The following SMIM14 variants were observed in gnomAD, a reference collection of about 807,000 sequenced individuals.
SMIM14 encodes small integral membrane protein 14.
A neutral mutation model predicts 12.6 loss-of-function variants in SMIM14; 5 were observed. The ratio of observed to expected loss-of-function variants is 0.40; its 90% CI spans 0.21 to 0.83. The LOEUF is 0.83. Among genes scored for constraint, SMIM14 ranks in the 40% least tolerant of loss-of-function variants. The pLI is 0.37. For synonymous variants in SMIM14, 30 were observed against 40.1 expected, an observed-to-expected ratio of 0.75 and a Z score of 0.95; for missense variants, 86 against 119.1, an observed-to-expected ratio of 0.72 and a Z score of 1.29.
chr4:39,609,327 T>G (rs904330110), intron 1 of SMIM14, among the ~76,000 whole-genome samples: 5 of 152,072 alleles, frequency 3.3e-5, no homozygotes, highest in African/African-American at 1.2e-4. Flanking sequence ...GTAAATCATA[T>G]CTCAAAAAAG....
intron 1 of SMIM14, among the ~76,000 whole-genome samples, chr4:39,632,478 C>CAAAAAA (rs71192888): frequency 2.3e-5 from 2 of 88,756 alleles, no homozygotes; most frequent in Non-Finnish European, 4.3e-5. Flanking sequence ...GACTCCGTCT[C>CAAAAAA]AAAAAAAAAA....
intron 1 of SMIM14, among the ~76,000 whole-genome samples, chr4:39,624,785 C>T (rs185094534): frequency 2.2e-4 from 29 of 133,608 alleles, no homozygotes; most frequent in African/African-American, 8.1e-4. Context: ...GATCACACTC[C>T]AGCCTGGACA....
intron 1 of SMIM14, among the ~76,000 whole-genome samples, chr4:39,610,090 A>G (rs865989438): frequency 1.3e-5 from 2 of 152,156 alleles, no homozygotes; most frequent in African/African-American, 4.8e-5. Flanking sequence ...TCCCAGGCTC[A>G]AGTGATCCTT....
chr4:39,593,590 A>G (rs1714216372), intron 2 of SMIM14: 1 of 152,214 alleles, frequency 6.6e-6, no homozygotes, highest in African/African-American at 2.4e-5. Context: ...AGGGTATTCA[A>G]TTAGGAAGAG....
intron 1 of SMIM14, chr4:39,638,498 C>T (rs1342996429): frequency 1.0e-6 from 1 of 985,356 alleles, no homozygotes; most frequent in East Asian, 1.1e-4. Context: ...AAAGCCCCGA[C>T]TCTGACATCC....
At chr4:39,618,215 TGAG>T (rs1488395048) in intron 1 of SMIM14, among the ~76,000 whole-genome samples, 5 of 152,168 alleles carry the variant, frequency 3.3e-5, no homozygotes, top group African/African-American at 4.8e-5. Context: ...CAGGGGCTGC[TGAG>T]GAGAACTTAC....
chr4:39,596,875 A>G lies in SMIM14; in HGVS notation c.75+8196T>C, dbSNP rs144773863. Among the ~76,000 whole-genome samples the G allele has an allele frequency of 4.5e-3, 691 of 152,240 alleles. 5 individuals are homozygous for G. Among genetic ancestry groups the G allele is most frequent in the African/African-American group, 0.016 (656 of 41,552 alleles). Reference sequence around the variant, plus strand: ...ATTGCAGCCTTGACTTCCCAGGCTCAAGCAATCCTCTGACCTCAGCCTCTG... The same window carrying G: ...ATTGCAGCCTTGACTTCCCAGGCTCGAGCAATCCTCTGACCTCAGCCTCTG... On this transcript the variant is annotated intron_variant, in intron 2 of 4. Transcript: ENST00000295958.
At chr4:39,592,076 G>C (rs1262583423) in intron 2 of SMIM14, among the ~76,000 whole-genome samples, 3 of 151,966 alleles carry the variant, frequency 2.0e-5, no homozygotes, top group African/African-American at 7.3e-5. Context: ...TGTACCTGTA[G>C]AACCAGCTAC....
intron 2 of SMIM14, among the ~76,000 whole-genome samples, chr4:39,591,684 T>C (rs535748777): frequency 2.6e-5 from 4 of 152,062 alleles, no homozygotes; most frequent in Non-Finnish European, 4.4e-5. Flanking sequence ...GCCTCCCAAG[T>C]AGCTGGGATT....
Position 39,556,584 on chromosome 4 carries a change from A to G in SMIM14, c.125-14T>C. ...AGGGTCCCGGTACTAAAGACAAACA[A>G]AAAATGTAGCATGCTCACAATATTG... On this transcript the variant is annotated splice_polypyrimidine_tract_variant and intron_variant, in intron 3 of 4. Transcript: ENST00000295958. The G allele has an allele frequency of 1.9e-6, 3 of 1,578,072 alleles. No individual in the cohort carries two copies. The highest frequency in any genetic ancestry group is 2.6e-6 in the Non-Finnish European group (3 of 1,167,906).
chr4:39,614,286 T>C (rs1309878441), intron 1 of SMIM14, among the ~76,000 whole-genome samples: 2 of 151,180 alleles, frequency 1.3e-5, no homozygotes, highest in African/African-American at 2.4e-5. Context: ...TTGATAATTA[T>C]TGAAGTTGGG....
At chr4:39,591,098 T>C (rs1424134554) in intron 2 of SMIM14, among the ~76,000 whole-genome samples, 1 of 152,132 alleles carries the variant, frequency 6.6e-6, no homozygotes, top group East Asian at 1.9e-4. Context: ...ATACAATCTA[T>C]GAACATCCTC....
At position 39,615,425 on chromosome 4, in the gene SMIM14, C is replaced by A. The variant is rs1004037109; in HGVS notation, c.-35-10245G>T. Among the ~76,000 whole-genome samples, 3 of 152,142 alleles carry A rather than the reference C, an allele frequency of 2.0e-5. No homozygotes were observed. In the East Asian group the frequency reaches 5.8e-4, roughly 29 times the overall value. On this transcript the variant is annotated intron_variant, in intron 1 of 4. Transcript: ENST00000295958. The stretch of plus-strand genomic sequence containing the variant: ...GGATTTTTAGGGCAGTGAAACAATT[C>A]TGTATACTACTACAGTGGTAGATAC...
intron 1 of SMIM14, among the ~76,000 whole-genome samples, chr4:39,616,122 T>G (rs1316778794): frequency 6.6e-6 from 1 of 152,152 alleles, no homozygotes; most frequent in Non-Finnish European, 1.5e-5. Context: ...GGGTTAAATA[T>G]TCCCAATTTT....
At chr4:39,627,051 G>T (rs1715729700) in intron 1 of SMIM14, among the ~76,000 whole-genome samples, 3 of 152,270 alleles carry the variant, frequency 2.0e-5, no homozygotes, top group Admixed American at 2.0e-4. Flanking sequence ...GGTAGATTCA[G>T]TGTCTGCTGA....
At chr4:39,619,860 T>TATA (rs1715404638) in intron 1 of SMIM14, among the ~76,000 whole-genome samples, 5 of 111,078 alleles carry the variant, frequency 4.5e-5, no homozygotes, top group African/African-American at 1.9e-4. Flanking sequence ...TTATATATAT[T>TATA]TATATATATA....
intron 3 of SMIM14, among the ~76,000 whole-genome samples, chr4:39,571,247 G>A (rs1712864059): frequency 2.0e-5 from 3 of 152,040 alleles, no homozygotes; most frequent in Admixed American, 2.0e-4. Context: ...GGCACCCAAA[G>A]TTTCCACACA....
At chr4:39,580,929 A>G (rs927958738) in intron 2 of SMIM14, among the ~76,000 whole-genome samples, 9 of 152,136 alleles carry the variant, frequency 5.9e-5, no homozygotes, top group African/African-American at 1.7e-4. Flanking sequence ...AATTAAATAT[A>G]TAAATAAAAT....
At chr4:39,580,413 C>T (rs1713436656) in intron 2 of SMIM14, among the ~76,000 whole-genome samples, 1 of 152,156 alleles carries the variant, frequency 6.6e-6, no homozygotes, top group Admixed American at 6.6e-5. Flanking sequence ...CTTCTAGGCT[C>T]AAGGAATCCT....
Sources: allele counts gnomAD v4.1 joint callset (sites outside exome capture counted in the v4.1 genomes callset), GRCh38; gene constraint gnomAD v4.1.1; transcripts MANE v1.5; gene names NCBI Gene and HGNC (gene_info 2026-07-23, HGNC 2026-07-21).